MYO18B: variants seen among roughly 807,000 people sequenced by gnomAD.
MYO18B encodes unconventional myosin-XVIIIb.
Under a neutral mutation model 273.0 loss-of-function variants are expected in MYO18B, and 204 were observed. The ratio of observed to expected loss-of-function variants is 0.75; its 90% CI spans 0.67 to 0.84. The LOEUF (loss-of-function observed/expected upper bound fraction) is 0.84, where lower values mean the gene tolerates loss of function less well. MYO18B is among the 40% of genes least tolerant of loss of function. The probability of loss-of-function intolerance (pLI) is 0.00; values close to 1 mark genes in which losing one functional copy is unlikely to be tolerated. For synonymous variants in MYO18B, 1,330 were observed against 1,305.7 expected (o/e 1.02, Z -0.40); for missense variants, 3,212 against 3,287.6 (o/e 0.98, Z 0.56).
At chr22:25,909,274 C>G (rs1463165607) in intron 32 of MYO18B, among the ~76,000 whole-genome samples, 1 of 152,204 alleles carries the variant, frequency 6.6e-6, no homozygotes, top group Non-Finnish European at 1.5e-5. Context: ...ATAAGACCTT[C>G]CCTCCCTTCT....
intron 12 of MYO18B, among the ~76,000 whole-genome samples, chr22:25,815,133 T>C (rs568315721): frequency 6.6e-6 from 1 of 152,252 alleles, no homozygotes; most frequent in Non-Finnish European, 1.5e-5. Context: ...CCAGCTACTC[T>C]TGGGCTTCCC....
Position 25,878,063 on chromosome 22 carries a change from C to T in MYO18B, c.4314+15C>T, listed in dbSNP as rs138984169. 1.9e-4 allele frequency: 302 copies of T among 1,560,872 alleles called. 1 individual carries two copies. The East Asian group carries it at 7.1e-3, about 37-fold the overall frequency. ...TAGAAAGCAAGGTATCCCCATCCCT[C>T]CTCTTGGGTCCTTGTGGGGGGTCTT... On this transcript the variant is annotated intron_variant, in intron 25 of 43. Transcript: ENST00000335473.
Position 25,857,571 on chromosome 22 carries a change from T to C in MYO18B, c.3885+5992T>C, listed in dbSNP as rs537363504. On this transcript the variant is annotated intron_variant, in intron 21 of 43. Transcript: ENST00000335473. ...TCTCTAGGTGCTGAATAATTATTCA[T>C]GGGCTCCCACCACCTTCGCTCCTGA... is the stretch of plus-strand genomic sequence containing the variant. Among the ~76,000 whole-genome samples the C allele has an allele frequency of 2.0e-5, 3 of 152,344 alleles. 1 individual carries two copies. Among genetic ancestry groups the C allele is most frequent in the African/African-American group, 7.2e-5 (3 of 41,584 alleles).
chr22:25,763,132 C>G (rs2086383929), intron 2 of MYO18B, 99 bp from the exon 3 acceptor site: 1 of 1,426,986 alleles, frequency 7.0e-7, no homozygotes, highest in East Asian at 2.3e-5. Flanking sequence ...ATGTATGTCT[C>G]CTCCGCCCCC....
At chr22:25,923,247 A>T (rs1323961695) in intron 34 of MYO18B, among the ~76,000 whole-genome samples, 2 of 152,206 alleles carry the variant, frequency 1.3e-5, no homozygotes, top group Admixed American at 1.3e-4. Flanking sequence ...ACTCTTAGCC[A>T]TCTCCTTTAT....
chr22:25,780,219 T>A, intron 9 of MYO18B, 21 bp downstream of exon 9: 1 of 1,592,470 alleles, frequency 6.3e-7, no homozygotes. Flanking sequence ...TCGGGGGATG[T>A]GCAAGGGGGC....
At chr22:26,035,167 G>T (rs146525114), downstream of MYO18B, among the ~76,000 whole-genome samples, 1,465 of 152,198 alleles carry the variant, frequency 9.6e-3, 26 homozygotes, top group African/African-American at 0.033. Flanking sequence ...TGCCAGGGAA[G>T]AAAATCTTTA....
intron 21 of MYO18B, among the ~76,000 whole-genome samples, chr22:25,866,568 C>T (rs1371291590): frequency 1.3e-5 from 2 of 152,156 alleles, no homozygotes; most frequent in East Asian, 3.9e-4. Flanking sequence ...AGGCTGGGCA[C>T]AGTGGCTCAC....
At chr22:25,989,583 C>T (rs143197291) in intron 39 of MYO18B, among the ~76,000 whole-genome samples, 1 of 139,960 alleles carries the variant, frequency 7.1e-6, no homozygotes, top group East Asian at 2.1e-4. Context: ...GAAATCAAGA[C>T]CATCCTGGCT....
intron 21 of MYO18B, among the ~76,000 whole-genome samples, chr22:25,857,228 G>A (rs1232921726): frequency 7.9e-5 from 12 of 152,148 alleles, no homozygotes; most frequent in Admixed American, 7.9e-4. Flanking sequence ...CCCAGATTCT[G>A]GTCCCTTCCA....
intron 39 of MYO18B, chr22:25,964,131 C>T (rs1281620243): frequency 2.0e-5 from 3 of 152,320 alleles, no homozygotes; most frequent in African/African-American, 7.2e-5. Context: ...GACAGTCATC[C>T]TCTTGAAGCA....
intron 12 of MYO18B, among the ~76,000 whole-genome samples, chr22:25,810,736 G>A (rs1469274772): frequency 4.6e-5 from 7 of 151,756 alleles, no homozygotes; most frequent in African/African-American, 1.5e-4. Context: ...GTGCTTGGCC[G>A]ACTTTAATTC....
chr22:26,002,377 A>G (rs891315505), intron 40 of MYO18B, among the ~76,000 whole-genome samples: 2 of 152,194 alleles, frequency 1.3e-5, no homozygotes, highest in South Asian at 2.1e-4. Flanking sequence ...GATGAATAAG[A>G]CTTGTTCTTG....
At chr22:25,949,405 G>A (rs1038787805) in intron 36 of MYO18B, among the ~76,000 whole-genome samples, 7 of 152,194 alleles carry the variant, frequency 4.6e-5, no homozygotes, top group South Asian at 2.1e-4. Flanking sequence ...AGGGCAGCAT[G>A]GGTGAAACAG....
chr22:25,923,470 C>G (rs1164357495), intron 34 of MYO18B, among the ~76,000 whole-genome samples: 1 of 152,176 alleles, frequency 6.6e-6, no homozygotes, highest in Non-Finnish European at 1.5e-5. Flanking sequence ...TGGCATTGTG[C>G]CCATTTTACA....
intron 12 of MYO18B, among the ~76,000 whole-genome samples, chr22:25,798,453 G>A (rs556400593): frequency 6.6e-6 from 1 of 152,302 alleles, no homozygotes; most frequent in East Asian, 1.9e-4. Flanking sequence ...TTAAATTTAA[G>A]TAGTCATAGG....
chr22:25,892,386 A>G (rs1450537331), intron 27 of MYO18B: 1 of 151,866 alleles, frequency 6.6e-6, no homozygotes, highest in Non-Finnish European at 1.5e-5. Context: ...ACCCAGGGAT[A>G]TTATACATTT....
intron 4 of MYO18B, 86 bp downstream of exon 4, chr22:25,769,514 G>A (rs2145591427): frequency 7.8e-7 from 1 of 1,283,668 alleles, no homozygotes; most frequent in East Asian, 2.6e-5. Flanking sequence ...CCCCAGGGAT[G>A]GACAAGGGGT....
Position 25,902,636 on chromosome 22 carries a change from C to T in MYO18B, c.4847C>T (p.Ala1616Val). 1 of 1,606,608 alleles carries T rather than the reference C, an allele frequency of 6.2e-7. No individual in the cohort carries two copies. Among genetic ancestry groups the T allele is most frequent in the Non-Finnish European group, 8.5e-7 (1 of 1,176,592 alleles). Residue 1616 changes from alanine to valine, a missense_variant, in exon 30 of 44, where the codon GCC (alanine) becomes GTC (valine). Ala to Val is a moderately conservative substitution (Grantham distance 64). Coordinates refer to ENST00000335473, the MANE Select transcript of MYO18B (RefSeq NM_032608.7). Reference protein sequence around the residue: ...QKKFDLQLAQALGESVFEKGL... With the variant: ...QKKFDLQLAQVLGESVFEKGL... ...AGGTTTGACCTGCAGCTGGCCCAGG[C>T]CCTAGGTGAGTCAGTGTTTGAGAAG...
Sources: allele counts gnomAD v4.1 joint callset (sites outside exome capture counted in the v4.1 genomes callset), GRCh38; gene constraint gnomAD v4.1.1; transcripts MANE v1.5; gene names NCBI Gene and HGNC (gene_info 2026-07-23, HGNC 2026-07-21).